CHL1: variants seen among roughly 807,000 people sequenced by gnomAD.
CHL1 encodes neural cell adhesion molecule L1-like protein.
Under a neutral mutation model 141.9 loss-of-function variants are expected in CHL1, and 96 were observed. That is an observed-to-expected ratio of 0.68 (90% CI 0.57 to 0.80). The LOEUF (loss-of-function observed/expected upper bound fraction) is 0.80. Among genes scored for constraint, CHL1 ranks in the 30% least tolerant of loss-of-function variants. The pLI is 0.00. For missense variants in CHL1, 1,820 were observed against 1,457.2 expected (o/e 1.25, Z -4.05); for synonymous variants, 613 against 502.2 (o/e 1.22, Z -2.95).
intron 2 of CHL1, among the ~76,000 whole-genome samples, chr3:260,110 C>G (rs1174184471): frequency 1.3e-5 from 2 of 151,840 alleles, no homozygotes; most frequent in African/African-American, 2.4e-5. Flanking sequence ...ACTAAAAATA[C>G]AAAATTAGCT....
At position 407,314 on chromosome 3, in the gene CHL1, A is replaced by G. The variant is rs993952713; in HGVS notation, c.*1603A>G. 2 of 152,052 alleles carry G rather than the reference A, an allele frequency of 1.3e-5. No homozygotes were observed. Among genetic ancestry groups the G allele is most frequent in the Non-Finnish European group, 2.9e-5 (2 of 68,010 alleles). 9.4% of individuals were successfully genotyped at this position (152,052 alleles called of 1,614,324 possible). A position where few individuals can be genotyped will look rare whatever the true frequency, so the allele number is the denominator to read the frequency against. ...ACCCCTTATAGTTCATGGAGACCAA[A>G]ATTTGGGGTATTTATAATAGTCAGC... On this transcript the variant is annotated 3_prime_UTR_variant, in exon 28 of 28. Coordinates refer to ENST00000256509, the MANE Select transcript of CHL1 (RefSeq NM_006614.4).
intron 1 of CHL1, among the ~76,000 whole-genome samples, chr3:198,514 G>C (rs1370835835): frequency 6.6e-6 from 1 of 152,196 alleles, no homozygotes; most frequent in East Asian, 1.9e-4. Flanking sequence ...CTCTGGACTA[G>C]GCATTTAACT....
chr3:244,302 G>C (rs544196482), intron 1 of CHL1, among the ~76,000 whole-genome samples: 1 of 152,170 alleles, frequency 6.6e-6, no homozygotes, highest in Non-Finnish European at 1.5e-5. Context: ...TACAGTTGTG[G>C]TCTGTTGCAA....
chr3:390,838 C>T (rs1315609153), intron 21 of CHL1, 22 bp downstream of exon 21: 2 of 1,529,986 alleles, frequency 1.3e-6, no homozygotes, highest in Non-Finnish European at 1.8e-6. Context: ...CATGGTTTTT[C>T]CTCTTCTTGT....
intron 16 of CHL1, among the ~76,000 whole-genome samples, chr3:380,400 A>G (rs1282464770): frequency 6.6e-6 from 1 of 152,242 alleles, no homozygotes; most frequent in Non-Finnish European, 1.5e-5. Flanking sequence ...TACATTAGAT[A>G]ATATCTTCCT....
At chr3:380,133 G>C (rs1198315718) in intron 16 of CHL1, among the ~76,000 whole-genome samples, 3 of 152,202 alleles carry the variant, frequency 2.0e-5, no homozygotes, top group African/African-American at 7.2e-5. Context: ...TCAGAAATCA[G>C]TGGACTCAGT....
At position 363,297 on chromosome 3, in the gene CHL1, CCA is replaced by C. The variant is rs1205393217; in HGVS notation, c.1501_1502del (p.Thr501ArgfsTer27). The C allele has an allele frequency of 1.2e-6, 2 of 1,613,508 alleles. No homozygotes were observed. The highest frequency in any genetic ancestry group is 1.7e-6 in the Non-Finnish European group (2 of 1,179,694). On this transcript the variant is annotated frameshift_variant, in exon 14 of 28. Coordinates refer to ENST00000256509, the MANE Select transcript of CHL1 (RefSeq NM_006614.4). LOFTEE classifies it high-confidence loss of function. ...AATGGCACATTGCAGATCAACAGAA[CCA>C]CCGAAGAAGATGCTGGGTCTTACTC...
chr3:339,218 A>G (rs1286737339), intron 5 of CHL1, among the ~76,000 whole-genome samples: 1 of 152,232 alleles, frequency 6.6e-6, no homozygotes, highest in African/African-American at 2.4e-5. Context: ...ATTTGGGTAC[A>G]TAAACGTTTT....
intron 2 of CHL1, among the ~76,000 whole-genome samples, chr3:281,317 C>G (rs568421465): frequency 1.3e-5 from 2 of 152,260 alleles, no homozygotes; most frequent in South Asian, 4.1e-4. Context: ...ATTTACATAA[C>G]TCCAGGAGTA....
At chr3:388,910 ATG>A (rs1277711673) in intron 19 of CHL1, among the ~76,000 whole-genome samples, 1 of 152,248 alleles carries the variant, frequency 6.6e-6, no homozygotes, top group African/African-American at 2.4e-5. Flanking sequence ...AAAAGGCGGA[ATG>A]TAGTGGAAAG....
At chr3:376,064 A>G (rs1032787130) in intron 15 of CHL1, among the ~76,000 whole-genome samples, 1 of 152,218 alleles carries the variant, frequency 6.6e-6, no homozygotes, top group African/African-American at 2.4e-5. Context: ...AGATTGGGGC[A>G]CGAAGATGTG....
chr3:259,608 C>A (rs748990342), intron 2 of CHL1, among the ~76,000 whole-genome samples: 8 of 152,072 alleles, frequency 5.3e-5, no homozygotes, highest in Admixed American at 2.0e-4. Context: ...TCCTTGCTAT[C>A]TGCTTTACCC....
At chr3:293,273 G>A (rs774587630) in intron 2 of CHL1, among the ~76,000 whole-genome samples, 1 of 152,004 alleles carries the variant, frequency 6.6e-6, no homozygotes, top group African/African-American at 2.4e-5. Context: ...AGGCCGAGGT[G>A]GATGGTTCTC....
At chr3:326,852 A>G (rs1166090351) in intron 4 of CHL1, among the ~76,000 whole-genome samples, 2 of 151,932 alleles carry the variant, frequency 1.3e-5, no homozygotes, top group Non-Finnish European at 2.9e-5. Context: ...CAATTGTATC[A>G]TGACTATTAT....
At position 343,022 on chromosome 3, in the gene CHL1, G is replaced by T. The variant is rs771557730; in HGVS notation, c.718G>T (p.Gly240Cys). ...ANDSSSSTEI[G>C]SKANSIKQRK... ...TGACTCAAGTTCATCCACAGAAATTGGTTCCAAGGGTAAGTTGAACCCATG... is the reference window on the plus strand; with the variant it reads ...TGACTCAAGTTCATCCACAGAAATTTGTTCCAAGGGTAAGTTGAACCCATG... Residue 240 changes from glycine (G) to cysteine (C), a missense_variant, in exon 8 of 28, where the codon GGT becomes TGT. Coordinates refer to ENST00000256509, the MANE Select transcript of CHL1 (RefSeq NM_006614.4). 14 of 1,606,858 alleles carry T rather than the reference G, an allele frequency of 8.7e-6. No individual in the cohort carries two copies. The highest frequency in any genetic ancestry group is 1.7e-5 in the Admixed American group (1 of 58,268).
intron 5 of CHL1, among the ~76,000 whole-genome samples, chr3:333,142 T>G (rs1701590710): frequency 1.4e-5 from 2 of 144,188 alleles, no homozygotes; most frequent in South Asian, 4.5e-4. Context: ...TATTTTTTTT[T>G]TTTGCTGCTG....
At chr3:324,083 C>T (rs1700812037) in intron 3 of CHL1, among the ~76,000 whole-genome samples, 1 of 152,064 alleles carries the variant, frequency 6.6e-6, no homozygotes, top group African/African-American at 2.4e-5. Context: ...CCCACATGAA[C>T]AAATGCTCTT....
intron 1 of CHL1, among the ~76,000 whole-genome samples, chr3:228,545 T>C (rs555383817): frequency 6.6e-4 from 100 of 152,260 alleles, no homozygotes; most frequent in South Asian, 1.2e-3. Flanking sequence ...TAGGTTACTT[T>C]CCATCTCTAT....
chr3:259,023 T>C (rs1278212288), intron 2 of CHL1, among the ~76,000 whole-genome samples: 1 of 151,682 alleles, frequency 6.6e-6, no homozygotes, highest in Non-Finnish European at 1.5e-5. Context: ...AGCCTCGACT[T>C]CCTGGGCTCA....
Sources: allele counts gnomAD v4.1 joint callset (sites outside exome capture counted in the v4.1 genomes callset), GRCh38; gene constraint gnomAD v4.1.1; transcripts MANE v1.5; gene names NCBI Gene and HGNC (gene_info 2026-07-23, HGNC 2026-07-21).